Variants in ELMO1 observed in about 807,000 individuals in gnomAD.
The protein encoded by ELMO1 is engulfment and cell motility protein 1.
In ELMO1, 26 loss-of-function variants were observed where a neutral mutation model predicts 98.9. That is an observed-to-expected ratio of 0.26 (90% confidence interval 0.19 to 0.36). The LOEUF (loss-of-function observed/expected upper bound fraction) is 0.36. ELMO1 is among the 10% of genes least tolerant of loss of function. The pLI, the probability that ELMO1 is intolerant of heterozygous loss-of-function variation, is 1.00. For synonymous variants in ELMO1, 346 were observed against 346.0 expected, an observed-to-expected ratio of 1.00 and a Z score of 0.00; for missense variants, 627 against 935.2, an observed-to-expected ratio of 0.67 and a Z score of 4.30.
intron 2 of ELMO1, among the ~76,000 whole-genome samples, chr7:37,328,559 G>A (rs1799943039): frequency 1.3e-5 from 2 of 152,082 alleles, no homozygotes; most frequent in African/African-American, 4.8e-5. Context: ...CAGGTGCTCA[G>A]CGCTAACACC....
chr7:37,255,000 T>A (rs906720931), intron 6 of ELMO1, among the ~76,000 whole-genome samples: 4 of 152,206 alleles, frequency 2.6e-5, no homozygotes, highest in African/African-American at 9.6e-5. Flanking sequence ...GCCACAGCAC[T>A]GAGAAAAAGT....
At chr7:37,428,030 G>GGTGTGTGT (rs10681558) in intron 1 of ELMO1, among the ~76,000 whole-genome samples, 7,645 of 149,834 alleles carry the variant, frequency 0.051, 374 homozygotes, top group African/African-American at 0.13. Context: ...GTATGCTTGG[G>GGTGTGTGT]GTGTGTGTGT....
In ELMO1 at chr7:37,147,975, A is replaced by C. The variant is rs143316548; in HGVS notation, c.1087-14741T>G. 8.5e-5 allele frequency among the ~76,000 whole-genome samples: 13 copies of C among 152,314 alleles called. 1 individual carries two copies. In the South Asian group the frequency reaches 2.7e-3, roughly 32 times the overall value. On this transcript the variant is annotated intron_variant, in intron 13 of 21. Coordinates refer to ENST00000310758, the MANE Select transcript of ELMO1 (RefSeq NM_014800.11). ...TCTTCAGGCATCTGAAAGGGTATTG[A>C]CAGTATTCTGTGCCACTACAGAAAC...
intron 16 of ELMO1, among the ~76,000 whole-genome samples, chr7:36,935,700 C>A (rs1428345767): frequency 6.6e-6 from 1 of 152,120 alleles, no homozygotes; most frequent in Non-Finnish European, 1.5e-5. Context: ...AATGCTCTTA[C>A]TATAAGGTGC....
At chr7:36,858,183 G>A (rs1219472758) in intron 21 of ELMO1, among the ~76,000 whole-genome samples, 1 of 152,100 alleles carries the variant, frequency 6.6e-6, no homozygotes, top group Non-Finnish European at 1.5e-5. Flanking sequence ...ATAACTTTAG[G>A]ATAACCAAAT....
chr7:37,381,186 C>T (rs1421432279), intron 1 of ELMO1, among the ~76,000 whole-genome samples: 1 of 152,210 alleles, frequency 6.6e-6, no homozygotes, highest in African/African-American at 2.4e-5. Context: ...AATACAGAAT[C>T]TGCCAATAGC....
chr7:36,908,972 CT>C (rs1385254181), intron 16 of ELMO1, among the ~76,000 whole-genome samples: 1 of 152,060 alleles, frequency 6.6e-6, no homozygotes, highest in South Asian at 2.1e-4. Flanking sequence ...AGGGACTATC[CT>C]TTTTTTTCAG....
At chr7:37,374,803 C>T (rs1802264015) in intron 1 of ELMO1, among the ~76,000 whole-genome samples, 1 of 151,866 alleles carries the variant, frequency 6.6e-6, no homozygotes, top group Admixed American at 6.6e-5. Context: ...TGGCTCACGC[C>T]TGTAATCTCA....
intron 16 of ELMO1, among the ~76,000 whole-genome samples, chr7:36,905,072 CA>C (rs1783857581): frequency 6.6e-6 from 1 of 152,172 alleles, no homozygotes; most frequent in African/African-American, 2.4e-5. Context: ...AAGTCAGTTC[CA>C]AACATGTGAC....
At chr7:37,154,311 G>A (rs1584729479) in intron 13 of ELMO1, among the ~76,000 whole-genome samples, 1 of 152,206 alleles carries the variant, frequency 6.6e-6, no homozygotes. Flanking sequence ...CATGGAGAAT[G>A]AGCTTGACGA....
chr7:37,377,644 T>C (rs1363880039), intron 1 of ELMO1, among the ~76,000 whole-genome samples: 1 of 152,098 alleles, frequency 6.6e-6, no homozygotes, highest in African/African-American at 2.4e-5. Flanking sequence ...TGGGCCAGGA[T>C]TCTTCAGAGA....
At chr7:37,206,643 T>C (rs2058731) in intron 13 of ELMO1, among the ~76,000 whole-genome samples, 29,414 of 152,168 alleles carry the variant, frequency 0.19, 3,198 homozygotes, top group Middle Eastern at 0.28. Context: ...CCCAAGAAGG[T>C]AGAAAATCCT....
chr7:37,374,525 G>A (rs1167275622), intron 1 of ELMO1, among the ~76,000 whole-genome samples: 2 of 152,076 alleles, frequency 1.3e-5, no homozygotes, highest in African/African-American at 4.8e-5. Context: ...GCCGAGGCGG[G>A]TGGATCACAA....
intron 16 of ELMO1, among the ~76,000 whole-genome samples, chr7:36,973,598 C>G (rs1393412188): frequency 4.6e-5 from 7 of 152,100 alleles, no homozygotes; most frequent in African/African-American, 1.7e-4. Context: ...CCTCACAGCC[C>G]TCGCTCGCTC....
At chr7:37,286,187 A>G (rs936343805) in intron 4 of ELMO1, among the ~76,000 whole-genome samples, 1 of 152,222 alleles carries the variant, frequency 6.6e-6, no homozygotes, top group Admixed American at 6.5e-5. Flanking sequence ...AGAGGATGAG[A>G]TAAAAACATT....
chr7:37,408,551 T>C (rs1803869827), intron 1 of ELMO1, among the ~76,000 whole-genome samples: 2 of 152,288 alleles, frequency 1.3e-5, no homozygotes, highest in South Asian at 4.1e-4. Flanking sequence ...ACGGTAGGAA[T>C]ATACATGCAA....
chr7:36,973,436 CTGAG>C (rs1790154769), intron 16 of ELMO1, among the ~76,000 whole-genome samples: 1 of 152,234 alleles, frequency 6.6e-6, no homozygotes, highest in Non-Finnish European at 1.5e-5. Context: ...GAGCAATAGA[CTGAG>C]TGAGGGCTGA....
At chr7:37,376,475 C>A (rs1212160047) in intron 1 of ELMO1, among the ~76,000 whole-genome samples, 1 of 152,156 alleles carries the variant, frequency 6.6e-6, no homozygotes, top group African/African-American at 2.4e-5. Flanking sequence ...ATTGTAAAAC[C>A]TAAGATTGGT....
At chr7:36,902,952 C>T (rs927928782) in intron 16 of ELMO1, among the ~76,000 whole-genome samples, 2 of 152,182 alleles carry the variant, frequency 1.3e-5, no homozygotes, top group African/African-American at 4.8e-5. Flanking sequence ...CAACTGTGCC[C>T]CTTCCAGCTC....
Sources: gnomAD v4.1 joint callset for allele counts (sites outside exome capture counted in the v4.1 genomes callset) on GRCh38, gnomAD v4.1.1 for gene constraint, MANE v1.5 for transcripts, NCBI Gene and HGNC (gene_info 2026-07-23, HGNC 2026-07-21) for gene names.